The following CDKAL1 variants were observed in gnomAD, a reference collection of about 807,000 sequenced individuals.
The protein encoded by CDKAL1 is CDKAL1 threonylcarbamoyladenosine tRNA methylthiotransferase.
A neutral mutation model predicts 68.2 loss-of-function variants in CDKAL1; 32 were observed. The observed-to-expected ratio is 0.47, with a 90% CI of 0.35 to 0.63. CDKAL1 has a LOEUF of 0.63. Ranked by LOEUF, CDKAL1 falls within the 30% of genes least tolerant of loss-of-function variation. The pLI is 0.00. For synonymous variants in CDKAL1, 234 were observed against 244.3 expected (o/e 0.96, Z 0.39); for missense variants, 606 against 696.7 (o/e 0.87, Z 1.47).
At chr6:20,579,164 G>C (rs1765037217) in intron 4 of CDKAL1, among the ~76,000 whole-genome samples, 2 of 152,042 alleles carry the variant, frequency 1.3e-5, no homozygotes, top group South Asian at 2.1e-4. Context: ...TTTTTTGGTA[G>C]AGACAGGGTT....
chr6:20,759,496 T>C (rs1774375150), intron 7 of CDKAL1, among the ~76,000 whole-genome samples: 1 of 152,120 alleles, frequency 6.6e-6, no homozygotes, highest in African/African-American at 2.4e-5. Flanking sequence ...GAACAGTGAT[T>C]GCACCATTGC....
At chr6:20,947,659 G>C (rs993901226) in intron 9 of CDKAL1, among the ~76,000 whole-genome samples, 5 of 152,118 alleles carry the variant, frequency 3.3e-5, no homozygotes, top group African/African-American at 1.2e-4. Context: ...CCAACCTACT[G>C]ATCATCATAG....
At chr6:20,576,119 C>T (rs1764898465) in intron 4 of CDKAL1, among the ~76,000 whole-genome samples, 1 of 152,080 alleles carries the variant, frequency 6.6e-6, no homozygotes, top group Non-Finnish European at 1.5e-5. Flanking sequence ...AATGAACATT[C>T]CAAAACTCTG....
At chr6:20,928,634 C>T (rs558417232) in intron 9 of CDKAL1, among the ~76,000 whole-genome samples, 5 of 149,604 alleles carry the variant, frequency 3.3e-5, no homozygotes, top group Admixed American at 2.0e-4. Flanking sequence ...GAAAGAACTA[C>T]AATTAAAATC....
At chr6:20,569,137 T>C (rs1216968578) in intron 4 of CDKAL1, among the ~76,000 whole-genome samples, 1 of 152,264 alleles carries the variant, frequency 6.6e-6, no homozygotes, top group Non-Finnish European at 1.5e-5. Flanking sequence ...ATTTTTACTG[T>C]TAGATGTAAA....
At chr6:21,031,523 T>C (rs903362053) in intron 11 of CDKAL1, among the ~76,000 whole-genome samples, 1 of 151,926 alleles carries the variant, frequency 6.6e-6, no homozygotes, top group Non-Finnish European at 1.5e-5. Context: ...TACCAGGGGC[T>C]GGGAGTTCGG....
chr6:21,084,353 A>G (rs1772582936), intron 12 of CDKAL1, among the ~76,000 whole-genome samples: 1 of 152,218 alleles, frequency 6.6e-6, no homozygotes, highest in Non-Finnish European at 1.5e-5. Context: ...TATTTCATTG[A>G]AGTGCCTGTT....
chr6:21,231,239 T>A lies in CDKAL1; in HGVS notation c.*200T>A, dbSNP rs1054767580. ...ATTGGTTATTTGACCTAAAACCTAA[T>A]CACCGCTACCATAGCACATCCTTCA... On this transcript the variant is annotated 3_prime_UTR_variant, in exon 16 of 16. Coordinates refer to ENST00000274695, the MANE Select transcript of CDKAL1 (RefSeq NM_017774.3). 2.3e-6 allele frequency: 1 copy of A among 443,166 alleles called. No homozygotes were observed. The highest frequency in any genetic ancestry group is 4.0e-6 in the Non-Finnish European group (1 of 249,962). 27.5% of individuals were successfully genotyped at this position (443,166 alleles called of 1,614,324 possible).
At chr6:20,898,289 G>A (rs1452579580) in intron 9 of CDKAL1, among the ~76,000 whole-genome samples, 2 of 150,968 alleles carry the variant, frequency 1.3e-5, no homozygotes, top group Non-Finnish European at 2.9e-5. Context: ...TAGTTATTTA[G>A]TAAATTTCAT....
At chr6:21,037,934 G>A (rs1431061090) in intron 11 of CDKAL1, among the ~76,000 whole-genome samples, 1 of 152,174 alleles carries the variant, frequency 6.6e-6, no homozygotes, top group African/African-American at 2.4e-5. Flanking sequence ...TAGAAAGGGA[G>A]CTAGGTAACT....
chr6:21,067,804 A>C (rs1017565833), intron 12 of CDKAL1, among the ~76,000 whole-genome samples: 1 of 152,154 alleles, frequency 6.6e-6, no homozygotes, highest in Admixed American at 6.5e-5. Flanking sequence ...CAAATAGTTG[A>C]ATAAATTTGC....
At chr6:20,927,022 T>C (rs1763221602) in intron 9 of CDKAL1, among the ~76,000 whole-genome samples, 1 of 151,668 alleles carries the variant, frequency 6.6e-6, no homozygotes, top group Admixed American at 6.6e-5. Flanking sequence ...CTAAATGTCT[T>C]TTGACCATTC....
intron 8 of CDKAL1, among the ~76,000 whole-genome samples, chr6:20,833,589 C>A (rs529414296): frequency 1.3e-5 from 2 of 151,884 alleles, no homozygotes; most frequent in East Asian, 3.9e-4. Flanking sequence ...ATTCATAATA[C>A]TGGAGGAAGA....
chr6:20,884,159 C>T (rs767551698), intron 9 of CDKAL1, among the ~76,000 whole-genome samples: 3 of 152,116 alleles, frequency 2.0e-5, no homozygotes, highest in Non-Finnish European at 4.4e-5. Context: ...GATGCTTCCA[C>T]ATAACAAAAA....
chr6:21,232,293 CA>C lies in CDKAL1; in HGVS notation c.*1255del, dbSNP rs1284988583. 3 of 152,280 alleles carry C rather than the reference CA, an allele frequency of 2.0e-5. No homozygotes were observed. The highest frequency in any genetic ancestry group is 2.0e-4 in the Admixed American group (3 of 15,282). The allele number at this position is 152,280 out of a possible 1,614,324, so 9.4% of individuals were successfully genotyped here. On this transcript the variant is annotated 3_prime_UTR_variant, in exon 16 of 16. Coordinates refer to ENST00000274695, the MANE Select transcript of CDKAL1 (RefSeq NM_017774.3). ...AAGTGCTGGGATTACAGGCGTGAGC[CA>C]CTCCACCCAGCCCAGATTAAATGTT... is the stretch of plus-strand genomic sequence containing the variant.
intron 5 of CDKAL1, among the ~76,000 whole-genome samples, chr6:20,725,185 A>C (rs1772585899): frequency 6.7e-6 from 1 of 148,980 alleles, no homozygotes; most frequent in African/African-American, 2.5e-5. Context: ...TAACTTCTAC[A>C]GTGTTGGTGT....
intron 11 of CDKAL1, among the ~76,000 whole-genome samples, chr6:21,042,451 T>C (rs1769984424): frequency 6.6e-6 from 1 of 152,196 alleles, no homozygotes. Context: ...CACTGGGTAC[T>C]CTGGTAGATG....
intron 8 of CDKAL1, among the ~76,000 whole-genome samples, chr6:20,841,330 CT>C (rs35943413): frequency 6.6e-6 from 1 of 151,868 alleles, no homozygotes; most frequent in African/African-American, 2.4e-5. Flanking sequence ...CATTAGTCAC[CT>C]TTTTTCCCCC....
At chr6:21,174,007 C>T (rs1372896438) in intron 13 of CDKAL1, among the ~76,000 whole-genome samples, 4 of 151,984 alleles carry the variant, frequency 2.6e-5, no homozygotes, top group Non-Finnish European at 5.9e-5. Flanking sequence ...GAATTTGAGG[C>T]AGCAGTGAAC....
Sources: allele counts gnomAD v4.1 joint callset (sites outside exome capture counted in the v4.1 genomes callset), GRCh38; gene constraint gnomAD v4.1.1; transcripts MANE v1.5; gene names NCBI Gene and HGNC (gene_info 2026-07-23, HGNC 2026-07-21).